The following FRY variants were observed in gnomAD, a reference collection of about 807,000 sequenced individuals.
The protein encoded by FRY is FRY microtubule binding protein, also known as protein furry homolog.
Under a neutral mutation model 348.4 loss-of-function variants are expected in FRY, and 128 were observed. That is an observed-to-expected ratio of 0.37 (90% CI 0.32 to 0.43). FRY has a LOEUF of 0.43. Among genes scored for constraint, FRY ranks in the 20% least tolerant of loss-of-function variants. The probability of loss-of-function intolerance (pLI) is 1.00; values close to 1 mark genes in which losing one functional copy is unlikely to be tolerated. For missense variants in FRY, 2,736 were observed against 3,695.2 expected, an observed-to-expected ratio of 0.74 and a Z score of 6.73; for synonymous variants, 1,370 against 1,374.7, an observed-to-expected ratio of 1.00 and a Z score of 0.08.
intron 14 of FRY, among the ~76,000 whole-genome samples, chr13:32,150,909 C>T (rs1057285306): frequency 1.3e-5 from 2 of 152,116 alleles, no homozygotes; most frequent in African/African-American, 4.8e-5. Context: ...CACAAAAAGT[C>T]CAAAAATGGG....
intron 7 of FRY, among the ~76,000 whole-genome samples, chr13:32,128,788 C>A (rs964612573): frequency 2.0e-5 from 3 of 152,202 alleles, no homozygotes; most frequent in Non-Finnish European, 4.4e-5. Flanking sequence ...TCTGAGTCTA[C>A]ACCAGTGTTT....
rs1885727366 is a variant in FRY at position 32,228,489 on chromosome 13, C to T, written c.5240C>T (p.Ser1747Phe). The change falls in exon 40 of 61, where the codon TCC (serine) becomes TTC (phenylalanine). Residue 1747 changes from serine (S) to phenylalanine (F), a missense_variant. Ser to Phe is a radical substitution (Grantham distance 155, BLOSUM62 -2). Coordinates refer to ENST00000542859, the MANE Select transcript of FRY (RefSeq NM_023037.3). ...GFDFLREDQS[S>F]PVPDSGLSSS... is the part of the protein sequence containing the mutation. ...GACTTCCTGAGAGAGGACCAGTCAT[C>T]CCCGGTGCCTGACTCAGGGCTTAGT... is the stretch of plus-strand genomic sequence containing the variant. 6.2e-7 allele frequency: 1 copy of T among 1,612,842 alleles called. No individual in the cohort carries two copies. Among genetic ancestry groups the T allele is most frequent in the East Asian group, 2.2e-5 (1 of 44,886 alleles).
intron 1 of FRY, among the ~76,000 whole-genome samples, chr13:32,054,832 G>A (rs552216149): frequency 6.3e-4 from 96 of 152,132 alleles, no homozygotes; most frequent in Non-Finnish European, 1.3e-3. Flanking sequence ...CTGAGATTGC[G>A]CCACTGCACT....
intron 2 of FRY, among the ~76,000 whole-genome samples, chr13:32,098,088 G>T (rs1322238684): frequency 1.3e-5 from 2 of 152,042 alleles, no homozygotes; most frequent in African/African-American, 4.8e-5. Flanking sequence ...GCACATGGTG[G>T]TCTCACCTAC....
chr13:32,180,761 T>G (rs1476590999), intron 23 of FRY, among the ~76,000 whole-genome samples: 1 of 152,140 alleles, frequency 6.6e-6, no homozygotes, highest in African/African-American at 2.4e-5. Context: ...AAATTTTCCA[T>G]GTAGATAGAA....
Position 32,237,230 on chromosome 13 carries a change from G to A in FRY, c.5811-149G>A, listed in dbSNP as rs1329156869. 1.3e-6 allele frequency: 1 copy of A among 796,712 alleles called. No individual in the cohort carries two copies. The highest frequency in any genetic ancestry group is 2.5e-5 in the East Asian group (1 of 39,276). The allele number at this position is 796,712 out of a possible 1,614,324, so 49.4% of individuals were successfully genotyped here. On this transcript the variant is annotated intron_variant, in intron 43 of 60. Coordinates refer to ENST00000542859, the MANE Select transcript of FRY (RefSeq NM_023037.3). The surrounding 1 kb of genome is among the most constrained non-coding windows in gnomAD (Gnocchi z 6.3). The stretch of plus-strand genomic sequence containing the variant: ...GGTTTCTCTTGTTTTGTTTTTTATA[G>A]CTTTAAAGATAAGGAAAAATAAATG...
At chr13:32,051,315 G>A (rs1873315195) in intron 1 of FRY, among the ~76,000 whole-genome samples, 1 of 152,192 alleles carries the variant, frequency 6.6e-6, no homozygotes, top group East Asian at 1.9e-4. Context: ...AGCAAAAAGT[G>A]TGTAGTTGGG....
In FRY at chr13:32,211,196, G is replaced by A. The variant is rs1284135799; in HGVS notation, c.4591+162G>A. Among the ~76,000 whole-genome samples the A allele has an allele frequency of 3.9e-5, 6 of 152,384 alleles. No homozygotes were observed. In the East Asian group the frequency reaches 9.6e-4, roughly 24 times the overall value. On this transcript the variant is annotated intron_variant, in intron 34 of 60. Transcript: ENST00000542859. ...AGAATAACTGAGACATGGGCTGGGC[G>A]TGGTGACTCACGCCTGTAATCCCAG...
At chr13:32,104,708 A>G (rs1198165571) in intron 3 of FRY, among the ~76,000 whole-genome samples, 1 of 152,180 alleles carries the variant, frequency 6.6e-6, no homozygotes, top group Non-Finnish European at 1.5e-5. Flanking sequence ...TGTAGCTCCC[A>G]TAATTCCCAC....
At chr13:32,128,471 A>G (rs1265705545) in intron 7 of FRY, among the ~76,000 whole-genome samples, 1 of 152,224 alleles carries the variant, frequency 6.6e-6, no homozygotes, top group Non-Finnish European at 1.5e-5. Flanking sequence ...CACATGGCTC[A>G]TGGTCAGTGC....
chr13:32,045,461 C>T (rs569352384), intron 1 of FRY, among the ~76,000 whole-genome samples: 3 of 152,296 alleles, frequency 2.0e-5, no homozygotes, highest in Admixed American at 6.5e-5. Flanking sequence ...TAGCTTTGAA[C>T]GTTGATCTCC....
Position 32,206,471 on chromosome 13 carries a change from C to A in FRY, c.4019-2382C>A, listed in dbSNP as rs144032136. On this transcript the variant is annotated intron_variant, in intron 31 of 60. Transcript: ENST00000542859. ...TTCTGCAGGGAGGTAGTGGCAGAAG[C>A]CAGATCACAGTGGCCTGGCTGAGAA... 6.6e-4 allele frequency among the ~76,000 whole-genome samples: 100 copies of A among 152,266 alleles called. 1 individual carries two copies. In the East Asian group the frequency reaches 0.018, roughly 28 times the overall value.
At position 32,140,948 on chromosome 13, in the gene FRY, ATGACTACTTTTCTCTT is replaced by A. The variant is rs1196061563; in HGVS notation, c.1179+3978_1179+3993del. Among the ~76,000 whole-genome samples, 3 of 152,198 alleles carry A rather than the reference ATGACTACTTTTCTCTT, an allele frequency of 2.0e-5. No individual in the cohort carries two copies. In the East Asian group the frequency reaches 5.8e-4, roughly 29 times the overall value. ...TAAAATATATGGCATTTATTTTAAA[ATGACTACTTTTCTCTT>A]TTAAATACCAAATTTAAATGGTATA... On this transcript the variant is annotated intron_variant, in intron 11 of 60. Coordinates refer to ENST00000542859, the MANE Select transcript of FRY (RefSeq NM_023037.3).
chr13:32,214,874 A>G (rs1378513382), intron 35 of FRY, among the ~76,000 whole-genome samples: 1 of 152,008 alleles, frequency 6.6e-6, no homozygotes, highest in Non-Finnish European at 1.5e-5. Flanking sequence ...GGGAAGCACC[A>G]TATCCATGGG....
At chr13:32,266,977 C>T (rs1887956009) in intron 54 of FRY, among the ~76,000 whole-genome samples, 193 bp from the exon 55 acceptor site, 1 of 152,104 alleles carries the variant, frequency 6.6e-6, no homozygotes, top group Non-Finnish European at 1.5e-5. Context: ...GAGCGAGACT[C>T]AAAACAAACA....
At chr13:32,124,899 A>G (rs768815876) in intron 7 of FRY, 24 bp downstream of exon 7, 1 of 1,527,088 alleles carries the variant, frequency 6.5e-7, no homozygotes, top group East Asian at 2.2e-5. Context: ...AGAACCCTTT[A>G]CCATGAGAAC....
In FRY at chr13:32,194,168, T is replaced by G. The variant is rs758616797; in HGVS notation, c.3617T>G (p.Val1206Gly). ...LRVHQLGCEV[V>G]VLLLELNPDQ... is the part of the protein sequence containing the mutation. ...GTTCATCAACTTGGCTGCGAAGTTG[T>G]TGTCTTGCTACTGGAACTTAATCCT... The change falls in exon 29 of 61, where the codon GTT becomes GGT. Residue 1206 changes from valine (V) to glycine (G), a missense_variant. Val to Gly is a moderately radical substitution (Grantham distance 109, BLOSUM62 -3). Transcript: ENST00000542859. 6.2e-7 allele frequency: 1 copy of G among 1,614,050 alleles called. No individual in the cohort carries two copies.
rs750527085 is a variant in FRY, at chr13:32,238,030, T to C, written c.6418+44T>C. ...ACCCTGTCTCAATTCTGATGGTGAC[T>C]GTGTTCATCATTTGGTACAATAAGA... On this transcript the variant is annotated intron_variant, in intron 44 of 60. Transcript: ENST00000542859. 7 of 1,598,176 alleles carry C rather than the reference T, an allele frequency of 4.4e-6. No homozygotes were observed. In the Admixed American group the frequency reaches 1.2e-4, roughly 27 times the overall value.
intron 2 of FRY, among the ~76,000 whole-genome samples, chr13:32,083,476 T>C (rs1282943707): frequency 6.6e-6 from 1 of 152,174 alleles, no homozygotes; most frequent in Non-Finnish European, 1.5e-5. Flanking sequence ...GGATTTCTTT[T>C]TATGTACTTT....
Sources: allele counts gnomAD v4.1 joint callset (sites outside exome capture counted in the v4.1 genomes callset), GRCh38; gene constraint gnomAD v4.1.1; non-coding constraint Gnocchi (gnomAD v3.1); transcripts MANE v1.5; gene names NCBI Gene and HGNC (gene_info 2026-07-23, HGNC 2026-07-21).